Variants in CADPS observed in about 807,000 individuals in gnomAD.
The protein encoded by CADPS is calcium-dependent secretion activator 1.
CADPS carries 57 observed loss-of-function variants against 167.3 expected under a neutral mutation model. The ratio of observed to expected loss-of-function variants is 0.34; its 90% confidence interval spans 0.28 to 0.42. The LOEUF is 0.42. Ranked by LOEUF, CADPS falls within the 20% of genes least tolerant of loss-of-function variation. The pLI, the probability that CADPS is intolerant of heterozygous loss-of-function variation, is 1.00. For missense variants in CADPS, 1,414 were observed against 1,738.1 expected, an observed-to-expected ratio of 0.81 and a Z score of 3.32; for synonymous variants, 676 against 635.3, an observed-to-expected ratio of 1.06 and a Z score of -0.96.
intron 1 of CADPS, among the ~76,000 whole-genome samples, chr3:62,845,614 G>A (rs944473408): frequency 7.9e-5 from 12 of 152,100 alleles, no homozygotes; most frequent in African/African-American, 2.9e-4. Context: ...TTTATTCTCT[G>A]TTGCCCTGAA....
At chr3:62,625,961 C>T (rs1008524224) in intron 6 of CADPS, 3 of 150,970 alleles carry the variant, frequency 2.0e-5, no homozygotes, top group South Asian at 2.1e-4. Context: ...TTTAATCATT[C>T]GCATCTATAG....
At chr3:62,525,497 T>C (rs976122016) in intron 13 of CADPS, among the ~76,000 whole-genome samples, 1 of 152,166 alleles carries the variant, frequency 6.6e-6, no homozygotes, top group Non-Finnish European at 1.5e-5. Flanking sequence ...CAATAATCTT[T>C]GTGTTCAGTG....
At chr3:62,715,742 T>A (rs1427079757) in intron 3 of CADPS, among the ~76,000 whole-genome samples, 1 of 146,222 alleles carries the variant, frequency 6.8e-6, no homozygotes, top group Non-Finnish European at 1.5e-5. Flanking sequence ...CAATTTATAA[T>A]GATTATAAAT....
chr3:62,779,004 C>T (rs989516340), intron 1 of CADPS, among the ~76,000 whole-genome samples: 5 of 152,024 alleles, frequency 3.3e-5, no homozygotes, highest in African/African-American at 1.2e-4. Flanking sequence ...AATTCTGTCT[C>T]AGCCTCTTGA....
intron 6 of CADPS, among the ~76,000 whole-genome samples, chr3:62,630,806 G>A (rs2065132851): frequency 6.6e-6 from 1 of 152,110 alleles, no homozygotes; most frequent in Non-Finnish European, 1.5e-5. Flanking sequence ...TTGGAGTTTT[G>A]TGTGATTTAC....
chr3:62,408,969 ACTC>A (rs2048425904), intron 28 of CADPS, among the ~76,000 whole-genome samples: 8 of 152,224 alleles, frequency 5.3e-5, no homozygotes, highest in Non-Finnish European at 1.2e-4. Flanking sequence ...ACCCATATGC[ACTC>A]ACGTGCATGT....
intron 1 of CADPS, chr3:62,779,272 G>T: frequency 2.9e-6 from 1 of 348,212 alleles, no homozygotes. Flanking sequence ...CTGGCCTTTT[G>T]CTTTCTGGGC....
chr3:62,845,568 G>GGGATTTGGA (rs1480291760), intron 1 of CADPS, among the ~76,000 whole-genome samples: 1 of 152,034 alleles, frequency 6.6e-6, no homozygotes, highest in East Asian at 1.9e-4. Context: ...AATTATAGAG[G>GGGATTTGGA]GGATTTGGAG....
intron 1 of CADPS, among the ~76,000 whole-genome samples, chr3:62,834,432 G>T (rs1363502525): frequency 6.6e-6 from 1 of 152,120 alleles, no homozygotes; most frequent in African/African-American, 2.4e-5. Context: ...AATCAAGTGG[G>T]TACTAGCACT....
At chr3:62,600,221 A>G (rs2059760750) in intron 6 of CADPS, among the ~76,000 whole-genome samples, 2 of 150,674 alleles carry the variant, frequency 1.3e-5, no homozygotes, top group Non-Finnish European at 3.0e-5. Flanking sequence ...TGCAGAGGAT[A>G]CTCAGCATGC....
At chr3:62,565,617 C>T (rs574661004) in intron 9 of CADPS, among the ~76,000 whole-genome samples, 13 of 152,330 alleles carry the variant, frequency 8.5e-5, no homozygotes, top group African/African-American at 2.9e-4. Context: ...TTTACAGACA[C>T]TCTCTCATTG....
At chr3:62,527,242 C>T (rs1042470835) in intron 13 of CADPS, among the ~76,000 whole-genome samples, 1 of 152,258 alleles carries the variant, frequency 6.6e-6, no homozygotes, top group South Asian at 2.1e-4. Flanking sequence ...AAATGCAGCT[C>T]ATCACCAGGG....
chr3:62,399,469 T>C lies in CADPS; in HGVS notation c.3999A>G (p.Glu1333=), dbSNP rs1287587852. 6.2e-7 allele frequency: 1 copy of C among 1,614,176 alleles called. No homozygotes were observed. Among genetic ancestry groups the C allele is most frequent in the Admixed American group, 1.7e-5 (1 of 60,020 alleles). ...TGCTGATGCCCTGCAGTCCCCCACC[T>C]TCACTCACTGATGCTGTGGCTTCCT... ...TVEEATASVS[E]GGGLQGISMK... is the part of the protein sequence containing the mutation. The change falls in exon 30 of 30, where the codon GAA becomes GAG. Residue 1333 remains glutamate, a synonymous_variant. Coordinates refer to ENST00000383710, the MANE Select transcript of CADPS (RefSeq NM_003716.4). This position sits in a 1 kb window ranked among gnomAD's most constrained non-coding sequence, Gnocchi z 5.6.
chr3:62,662,483 G>C, intron 3 of CADPS, 89 bp from the exon 4 acceptor site: 1 of 1,042,236 alleles, frequency 9.6e-7, no homozygotes, highest in Non-Finnish European at 1.5e-6. Context: ...CCCTTGCACT[G>C]TGCTCCATGG....
Position 62,602,506 on chromosome 3 carries a change from C to T in CADPS, c.1326-9758G>A, listed in dbSNP as rs1448528721. On this transcript the variant is annotated intron_variant, in intron 6 of 29. Coordinates refer to ENST00000383710, the MANE Select transcript of CADPS (RefSeq NM_003716.4). The surrounding 1 kb of genome is among the most constrained non-coding windows in gnomAD (Gnocchi z 4.4). ...AAAGTTAATAATTGCCTGGAGACAG[C>T]TGCATTAAAATCTTGTGGCCTGCCT... is the stretch of plus-strand genomic sequence containing the variant. 6.6e-6 allele frequency among the ~76,000 whole-genome samples: 1 copy of T among 152,164 alleles called. No homozygotes were observed. Among genetic ancestry groups the T allele is most frequent in the African/African-American group, 2.4e-5 (1 of 41,440 alleles).
intron 8 of CADPS, among the ~76,000 whole-genome samples, chr3:62,576,788 TAAAAAA>T (rs138055445): frequency 5.0e-4 from 15 of 29,866 alleles, no homozygotes; most frequent in East Asian, 4.9e-3. Flanking sequence ...AGACTCTGTC[TAAAAAA>T]AAAAAAAAAA....
chr3:62,628,512 TG>T (rs1401185170), intron 6 of CADPS, among the ~76,000 whole-genome samples: 1 of 152,124 alleles, frequency 6.6e-6, no homozygotes, highest in Admixed American at 6.6e-5. Flanking sequence ...TGCAACTGTC[TG>T]GTTGCTCAGC....
intron 8 of CADPS, among the ~76,000 whole-genome samples, chr3:62,572,407 C>T (rs1358142488): frequency 6.6e-6 from 1 of 152,158 alleles, no homozygotes; most frequent in Non-Finnish European, 1.5e-5. Flanking sequence ...AGAGGAACCT[C>T]TTAATTGGTT....
chr3:62,538,343 C>T (rs1180441932), intron 11 of CADPS, among the ~76,000 whole-genome samples: 1 of 152,090 alleles, frequency 6.6e-6, no homozygotes, highest in Admixed American at 6.6e-5. Context: ...TGTCTTAAAC[C>T]TGCTCCAACT....
Sources: allele counts gnomAD v4.1 joint callset (sites outside exome capture counted in the v4.1 genomes callset), GRCh38; gene constraint gnomAD v4.1.1; non-coding constraint Gnocchi (gnomAD v3.1); transcripts MANE v1.5; gene names NCBI Gene and HGNC (gene_info 2026-07-23, HGNC 2026-07-21).